SPOCK1: variants seen among roughly 807,000 people sequenced by gnomAD.
SPOCK1 encodes the protein testican-1.
A neutral mutation model predicts 55.3 loss-of-function variants in SPOCK1; 23 were observed. The ratio of observed to expected loss-of-function variants is 0.42; its 90% CI spans 0.30 to 0.59. The LOEUF is 0.59. Among genes scored for constraint, SPOCK1 ranks in the 20% least tolerant of loss-of-function variants. The pLI is 0.22. For missense variants in SPOCK1, 499 were observed against 552.5 expected, an observed-to-expected ratio of 0.90 and a Z score of 0.97; for synonymous variants, 226 against 221.0, an observed-to-expected ratio of 1.02 and a Z score of -0.20.
At chr5:137,029,117 T>G (rs959544398) in intron 6 of SPOCK1, among the ~76,000 whole-genome samples, 5 of 152,160 alleles carry the variant, frequency 3.3e-5, no homozygotes, top group Non-Finnish European at 7.4e-5. Context: ...AGAGTAAAAC[T>G]GGCCCAGGAT....
chr5:137,158,129 C>A (rs1483130696), intron 3 of SPOCK1, among the ~76,000 whole-genome samples: 1 of 151,840 alleles, frequency 6.6e-6, no homozygotes, highest in African/African-American at 2.4e-5. Flanking sequence ...CCCAAATGCC[C>A]AATCCCCAGT....
intron 3 of SPOCK1, among the ~76,000 whole-genome samples, chr5:137,252,621 A>AT (rs1756557548): frequency 6.6e-6 from 1 of 152,216 alleles, no homozygotes; most frequent in African/African-American, 2.4e-5. Flanking sequence ...TTGACCAGAT[A>AT]TAAACACTAG....
chr5:136,988,731 C>A (rs907794904), intron 7 of SPOCK1, 88 bp from the exon 8 acceptor site: 5 of 1,187,832 alleles, frequency 4.2e-6, no homozygotes, highest in Non-Finnish European at 5.9e-6. Flanking sequence ...CAAGAAGATG[C>A]CAAGGCCCAC....
chr5:137,247,239 A>T (rs1756413273), intron 3 of SPOCK1, among the ~76,000 whole-genome samples: 1 of 152,068 alleles, frequency 6.6e-6, no homozygotes. Flanking sequence ...GGAGATGAAA[A>T]TGGGTGCCTG....
At chr5:137,061,952 C>T (rs1169998463) in intron 6 of SPOCK1, among the ~76,000 whole-genome samples, 1 of 152,104 alleles carries the variant, frequency 6.6e-6, no homozygotes, top group Non-Finnish European at 1.5e-5. Flanking sequence ...GAGGATGTAC[C>T]CACACGTGAT....
intron 3 of SPOCK1, among the ~76,000 whole-genome samples, chr5:137,249,004 G>T (rs1434201211): frequency 6.6e-6 from 1 of 152,170 alleles, no homozygotes; most frequent in Non-Finnish European, 1.5e-5. Context: ...AAACCTTAGT[G>T]TCACCGTGTA....
chr5:137,429,073 G>A (rs1354231342), intron 2 of SPOCK1, among the ~76,000 whole-genome samples: 1 of 152,210 alleles, frequency 6.6e-6, no homozygotes, highest in Non-Finnish European at 1.5e-5. Context: ...ATTTCCACAT[G>A]GTTTTCATGA....
intron 2 of SPOCK1, among the ~76,000 whole-genome samples, chr5:137,467,443 G>A (rs920290896): frequency 6.6e-6 from 1 of 152,230 alleles, no homozygotes; most frequent in South Asian, 2.1e-4. Flanking sequence ...TTGGTGCCAA[G>A]CTATGTGCAA....
chr5:137,442,731 C>G (rs1261048251), intron 2 of SPOCK1, among the ~76,000 whole-genome samples: 1 of 152,226 alleles, frequency 6.6e-6, no homozygotes, highest in Non-Finnish European at 1.5e-5. Flanking sequence ...CATGTGCCAA[C>G]AAGGAAAACA....
chr5:137,470,072 C>T (rs1384527594), intron 2 of SPOCK1, among the ~76,000 whole-genome samples: 1 of 152,180 alleles, frequency 6.6e-6, no homozygotes, highest in Non-Finnish European at 1.5e-5. Context: ...AGACTCTAGG[C>T]CACACTGATC....
intron 4 of SPOCK1, among the ~76,000 whole-genome samples, chr5:137,119,349 T>C (rs889732418): frequency 3.3e-5 from 5 of 152,366 alleles, no homozygotes; most frequent in African/African-American, 1.2e-4. Flanking sequence ...TGAATGTTAA[T>C]TGAAATGAAA....
intron 3 of SPOCK1, among the ~76,000 whole-genome samples, chr5:137,177,598 G>T (rs1754880450): frequency 6.6e-6 from 1 of 152,112 alleles, no homozygotes; most frequent in African/African-American, 2.4e-5. Flanking sequence ...TGCTTGGAAA[G>T]GAGGAAAAAG....
intron 2 of SPOCK1, among the ~76,000 whole-genome samples, chr5:137,315,705 G>A (rs1757867762): frequency 6.6e-6 from 1 of 152,162 alleles, no homozygotes; most frequent in Admixed American, 6.5e-5. Context: ...TAGGCACAGT[G>A]TCTGTCTCCT....
At chr5:137,284,912 T>C (rs1177863770) in intron 2 of SPOCK1, among the ~76,000 whole-genome samples, 1 of 151,086 alleles carries the variant, frequency 6.6e-6, no homozygotes, top group Non-Finnish European at 1.5e-5. Context: ...TCTGCATGGC[T>C]CCTGGGTAGA....
At chr5:137,109,477 C>T (rs1306101457) in intron 5 of SPOCK1, among the ~76,000 whole-genome samples, 1 of 152,120 alleles carries the variant, frequency 6.6e-6, no homozygotes, top group African/African-American at 2.4e-5. Flanking sequence ...TCTGAGCAGC[C>T]ACTATCTACT....
At chr5:137,473,571 T>C (rs977004841) in intron 2 of SPOCK1, among the ~76,000 whole-genome samples, 1 of 152,160 alleles carries the variant, frequency 6.6e-6, no homozygotes, top group African/African-American at 2.4e-5. Flanking sequence ...TGAACATAAA[T>C]GTTTTATATT....
At chr5:137,374,385 G>C (rs1007827400) in intron 2 of SPOCK1, among the ~76,000 whole-genome samples, 1 of 152,188 alleles carries the variant, frequency 6.6e-6, no homozygotes, top group Admixed American at 6.5e-5. Context: ...GTGAAAAATG[G>C]GTATGAGAAC....
intron 5 of SPOCK1, among the ~76,000 whole-genome samples, chr5:137,076,167 G>A (rs1268255549): frequency 2.0e-5 from 3 of 152,216 alleles, no homozygotes; most frequent in African/African-American, 7.2e-5. Flanking sequence ...CCCACAGTTG[G>A]GCCAGCTGCA....
intron 2 of SPOCK1, among the ~76,000 whole-genome samples, chr5:137,348,456 C>G (rs1178756488): frequency 6.8e-6 from 1 of 146,180 alleles, no homozygotes; most frequent in Non-Finnish European, 1.5e-5. Flanking sequence ...TTGCTACTTG[C>G]TGCAATCCCA....
Sources: allele counts gnomAD v4.1 joint callset (sites outside exome capture counted in the v4.1 genomes callset), GRCh38; gene constraint gnomAD v4.1.1; transcripts MANE v1.5; gene names NCBI Gene and HGNC (gene_info 2026-07-23, HGNC 2026-07-21).